The following INPPL1 variants were observed in gnomAD, a reference collection of about 807,000 sequenced individuals.
INPPL1 encodes the protein phosphatidylinositol 3,4,5-trisphosphate 5-phosphatase 2.
Under a neutral mutation model 139.3 loss-of-function variants are expected in INPPL1, and 91 were observed. The ratio of observed to expected loss-of-function variants is 0.65; its 90% CI spans 0.55 to 0.78. The LOEUF is 0.78. Among genes scored for constraint, INPPL1 ranks in the 30% least tolerant of loss-of-function variants. INPPL1 has a pLI of 0.00. For synonymous variants in INPPL1, 719 were observed against 686.6 expected (o/e 1.05, Z -0.74); for missense variants, 1,411 against 1,665.6 (o/e 0.85, Z 2.66).
Position 72,229,679 on chromosome 11 carries a change from G to T in INPPL1, c.770G>T (p.Gly257Val). 1 of 1,614,062 alleles carries T rather than the reference G, an allele frequency of 6.2e-7. No individual in the cohort carries two copies. Among genetic ancestry groups the T allele is most frequent in the Non-Finnish European group, 8.5e-7 (1 of 1,180,010 alleles). Reference protein sequence around the residue: ...LLQQQNLPQTGEQELESLVLK... With the variant: ...LLQQQNLPQTVEQELESLVLK... ...TCCCCCCAGAACCTGCCACAGACAGGGGAGCAGGAACTAGAGAGCCTGGTG... is the reference window on the plus strand; with the variant it reads ...TCCCCCCAGAACCTGCCACAGACAGTGGAGCAGGAACTAGAGAGCCTGGTG... The change falls in exon 7 of 28, where the codon GGG (glycine) becomes GTG (valine). Residue 257 changes from glycine (G) to valine (V), a missense_variant. Gly to Val is a moderately radical substitution (Grantham distance 109). Coordinates refer to ENST00000298229, the MANE Select transcript of INPPL1 (RefSeq NM_001567.4).
Position 72,237,532 on chromosome 11 carries a change from GCCT to G in INPPL1, c.3291_3293del (p.Pro1098del), listed in dbSNP as rs772286691. ...CACCACCTCCCAAGGCCCATCCAAGGCCTCCACTGCCCCCAGGCCCCTCACCAG... is the reference window on the plus strand; with the variant it reads ...CACCACCTCCCAAGGCCCATCCAAGGCCACTGCCCCCAGGCCCCTCACCAG... On this transcript the variant is annotated inframe_deletion, in exon 26 of 28. Coordinates refer to ENST00000298229, the MANE Select transcript of INPPL1 (RefSeq NM_001567.4). The G allele has an allele frequency of 3.7e-6, 6 of 1,605,628 alleles. No homozygotes were observed. Among genetic ancestry groups the G allele is most frequent in the Non-Finnish European group, 2.6e-6 (3 of 1,174,632 alleles).
At chr11:72,225,530 G>C in intron 1 of INPPL1, 1 of 985,390 alleles carries the variant, frequency 1.0e-6, no homozygotes, top group Non-Finnish European at 1.2e-6. Flanking sequence ...CGTTTGGATA[G>C]GGACTGAGTG....
Position 72,238,357 on chromosome 11 carries a change from C to T in INPPL1, c.*4C>T. The T allele has an allele frequency of 2.0e-6, 3 of 1,535,650 alleles. No individual in the cohort carries two copies. Among genetic ancestry groups the T allele is most frequent in the Non-Finnish European group, 2.6e-6 (3 of 1,142,920 alleles). ...CACCCTGCAGCTCAGCAAGTGATAGCGGAGGCACCACGAAGCTGTGAACTC... is the reference window on the plus strand; with the variant it reads ...CACCCTGCAGCTCAGCAAGTGATAGTGGAGGCACCACGAAGCTGTGAACTC... On this transcript the variant is annotated 3_prime_UTR_variant, in exon 28 of 28. Transcript: ENST00000298229.
chr11:72,230,768 C>T lies in INPPL1; in HGVS notation c.1198-28C>T, dbSNP rs12361913. 298,231 of 1,600,184 alleles carry T rather than the reference C, an allele frequency of 0.19. 33,297 individuals are homozygous for T. Among genetic ancestry groups the T allele is most frequent in the African/African-American group, 0.47 (34,768 of 74,634 alleles). Reference sequence around the variant, plus strand: ...ACGGGGGGCTTCCTGGATGCCTACCCGCCCCTGAGTGGCTGCTGTTCCCCC... The same window carrying T: ...ACGGGGGGCTTCCTGGATGCCTACCTGCCCCTGAGTGGCTGCTGTTCCCCC... On this transcript the variant is annotated intron_variant, in intron 10 of 27. Transcript: ENST00000298229.
intron 19 of INPPL1, 71 bp downstream of exon 19, chr11:72,233,815 C>A (rs1353872491): frequency 1.6e-6 from 2 of 1,251,596 alleles, no homozygotes; most frequent in East Asian, 2.3e-5. Context: ...TCGGGATGTA[C>A]ATAGGTTTGA....
rs759137119 is a variant in INPPL1 at position 72,229,162 on chromosome 11, G to A, written c.591G>A (p.Val197=). 24 of 1,613,728 alleles carry A rather than the reference G, an allele frequency of 1.5e-5. No homozygotes were observed. The highest frequency in any genetic ancestry group is 1.3e-4 in the Admixed American group (8 of 59,976). The part of the protein sequence containing the change: ...KGSYGLDLEA[V]RGGASHLPHL... ...GCTATGGGCTGGACCTGGAAGCTGT[G>A]AGGGGTGGAGCCAGCCACCTGCCCC... Residue 197 remains valine, a synonymous_variant, in exon 5 of 28, where the codon GTG becomes GTA. Transcript: ENST00000298229.
rs1025682605 is a variant in INPPL1 at position 72,229,143 on chromosome 11, G to A, written c.572G>A (p.Gly191Glu). 1 of 1,613,870 alleles carries A rather than the reference G, an allele frequency of 6.2e-7. No individual in the cohort carries two copies. Among genetic ancestry groups the A allele is most frequent in the East Asian group, 2.2e-5 (1 of 44,878 alleles). Residue 191 changes from glycine to glutamate, a missense_variant, in exon 5 of 28, where the codon GGG becomes GAG. Physicochemically the swap from Gly to Glu is moderately conservative, Grantham distance 98. Transcript: ENST00000298229. ...VSHDYLKGSY[G>E]LDLEAVRGGA... ...CACGACTACCTGAAAGGCAGCTATG[G>A]GCTGGACCTGGAAGCTGTGAGGGGT...
At position 72,224,958 on chromosome 11, in the gene INPPL1, C is replaced by A. The variant is rs1236938188; in HGVS notation, c.-27C>A. The A allele has an allele frequency of 9.2e-7, 1 of 1,087,196 alleles. No individual in the cohort carries two copies. The highest frequency in any genetic ancestry group is 1.1e-6 in the Non-Finnish European group (1 of 896,478). 67.3% of individuals were successfully genotyped at this position (1,087,196 alleles called of 1,614,324 possible). A position where few individuals can be genotyped will look rare whatever the true frequency, so the allele number is the denominator to read the frequency against. Reference sequence around the variant, plus strand: ...GGCGGATGGCGCGGGGCGGCGGGGGCGGGCGGTGCTGAGCCCTGCGCGGGC... The same window carrying A: ...GGCGGATGGCGCGGGGCGGCGGGGGAGGGCGGTGCTGAGCCCTGCGCGGGC... On this transcript the variant is annotated 5_prime_UTR_variant, in exon 1 of 28. Coordinates refer to ENST00000298229, the MANE Select transcript of INPPL1 (RefSeq NM_001567.4).
chr11:72,238,422 G>A lies in INPPL1; in HGVS notation c.*69G>A. 1 of 1,374,108 alleles carries A rather than the reference G, an allele frequency of 7.3e-7. No homozygotes were observed. The highest frequency in any genetic ancestry group is 9.8e-7 in the Non-Finnish European group (1 of 1,020,822). 85.1% of individuals were successfully genotyped at this position (1,374,108 alleles called of 1,614,324 possible). ...CTACCAAGGCCCAGCTATGGCCCCA[G>A]GGTTGAAAAGTTATGAGGGTCAGGG... On this transcript the variant is annotated 3_prime_UTR_variant, in exon 28 of 28. Transcript: ENST00000298229.
Position 72,235,981 on chromosome 11 carries a change from C to T in INPPL1, c.2874C>T (p.Thr958=), listed in dbSNP as rs540272512. ...PRAAPREEPL[T]PRLKPEGAPE... is the part of the protein sequence containing the mutation. ...CAGCTCCCCGGGAGGAGCCCTTGACCCCCAGGTGAGAGGAGGAACCTGTCA... is the reference window on the plus strand; with the variant it reads ...CAGCTCCCCGGGAGGAGCCCTTGACTCCCAGGTGAGAGGAGGAACCTGTCA... The change falls in exon 25 of 28, where the codon ACC becomes ACT. Residue 958 remains threonine, a synonymous_variant. Transcript: ENST00000298229. The surrounding 1 kb of genome is among the most constrained non-coding windows in gnomAD (Gnocchi z 4.9). The T allele has an allele frequency of 1.2e-5, 19 of 1,584,230 alleles. No individual in the cohort carries two copies. The African/African-American group carries it at 2.4e-4, about 20-fold the overall frequency.
Position 72,228,660 on chromosome 11 carries a change from G to A in INPPL1, c.398-67G>A. The A allele has an allele frequency of 6.4e-7, 1 of 1,571,304 alleles. No homozygotes were observed. The highest frequency in any genetic ancestry group is 8.6e-7 in the Non-Finnish European group (1 of 1,156,408). On this transcript the variant is annotated intron_variant, in intron 3 of 27. Transcript: ENST00000298229. This position sits in a 1 kb window ranked among gnomAD's most constrained non-coding sequence, Gnocchi z 5.0. ...TTTCCATGGAAGTCACTTTACAGCT[G>A]CATCGTGCCTCCTACTCCACTGAGT...
At chr11:72,229,302 C>A (rs1189587337) in intron 5 of INPPL1, 72 bp downstream of exon 5, 16 of 1,498,432 alleles carry the variant, frequency 1.1e-5, no homozygotes. Context: ...CCCGGCTGCA[C>A]AGGTGCCCTG....
rs2135413517 is a variant in INPPL1, at chr11:72,224,927, T to C, written c.-58T>C. 2.9e-6 allele frequency: 3 copies of C among 1,020,702 alleles called. No homozygotes were observed. The highest frequency in any genetic ancestry group is 9.0e-5 in the South Asian group (2 of 22,106). 63.2% of individuals were successfully genotyped at this position (1,020,702 alleles called of 1,614,324 possible). ...CCGGCCCCAGCCTCAGCCCTGAGCGTCTCGGGGCGGATGGCGCGGGGCGGC... is the reference window on the plus strand; with the variant it reads ...CCGGCCCCAGCCTCAGCCCTGAGCGCCTCGGGGCGGATGGCGCGGGGCGGC... On this transcript the variant is annotated 5_prime_UTR_variant, in exon 1 of 28. Coordinates refer to ENST00000298229, the MANE Select transcript of INPPL1 (RefSeq NM_001567.4).
intron 1 of INPPL1, chr11:72,227,737 C>T: frequency 4.6e-6 from 1 of 215,664 alleles, no homozygotes; most frequent in Non-Finnish European, 9.4e-6. Flanking sequence ...TACCCGACTC[C>T]AGCAGAGCCA....
Position 72,238,072 on chromosome 11 carries a change from G to T in INPPL1, c.3583G>T (p.Gly1195Trp). 6.4e-7 allele frequency: 1 copy of T among 1,570,986 alleles called. No individual in the cohort carries two copies. ...APCLQGGRAS[G>W]LGEAGMSAWL... ...GTGCCTGCAGGGCGGGCGGGCCAGC[G>T]GGCTGGGCGAGGCAGGCATGAGTGC... Residue 1195 changes from glycine (G) to tryptophan (W), a missense_variant, in exon 27 of 28, where the codon GGG (glycine) becomes TGG (tryptophan). Transcript: ENST00000298229.
chr11:72,233,418 C>T (rs1476116976), intron 17 of INPPL1, 23 bp from the exon 18 acceptor site: 1 of 1,608,318 alleles, frequency 6.2e-7, no homozygotes, highest in South Asian at 1.1e-5. Context: ...CAGCTCTAAC[C>T]ATGCTGCCAT....
Position 72,225,047 on chromosome 11 carries a change from G to A in INPPL1, c.63G>A (p.Trp21Ter), listed in dbSNP as rs1284701132. ...CCCTGGGCAGCCAGGCCCCCTCCTG[G>A]TACCACCGCGACCTGAGCCGGGCGG... ...GGALGSQAPS[W>*]YHRDLSRAAA... The change falls in exon 1 of 28, where the codon TGG (tryptophan) becomes TGA (stop). Residue 21 changes from tryptophan (W) to a stop codon, truncating the protein, a stop_gained. Transcript: ENST00000298229. LOFTEE classifies it high-confidence loss of function. 2 of 1,230,202 alleles carry A rather than the reference G, an allele frequency of 1.6e-6. No individual in the cohort carries two copies. The highest frequency in any genetic ancestry group is 8.5e-5 in the Admixed American group (2 of 23,500). 76.2% of individuals were successfully genotyped at this position (1,230,202 alleles called of 1,614,324 possible). A position where few individuals can be genotyped will look rare whatever the true frequency, so the allele number is the denominator to read the frequency against.
At position 72,235,125 on chromosome 11, in the gene INPPL1, A is replaced by G. The variant is rs970845599; in HGVS notation, c.2425A>G (p.Ile809Val). The change falls in exon 22 of 28, where the codon ATT becomes GTT. Residue 809 changes from isoleucine to valine, a missense_variant. Ile to Val is a conservative substitution (Grantham distance 29). Transcript: ENST00000298229. The surrounding 1 kb of genome is among the most constrained non-coding windows in gnomAD (Gnocchi z 4.9). Reference sequence around the variant, plus strand: ...CCTCCCTGCTTCCCAGCTCAAACCAATTCTGGCTGATATCGAGTACCTGCA... The same window carrying G: ...CCTCCCTGCTTCCCAGCTCAAACCAGTTCTGGCTGATATCGAGTACCTGCA... ...SSRQLPTLKP[I>V]LADIEYLQDQ... 6.2e-7 allele frequency: 1 copy of G among 1,613,882 alleles called. No homozygotes were observed. The highest frequency in any genetic ancestry group is 1.6e-4 in the Middle Eastern group (1 of 6,062).
At position 72,238,320 on chromosome 11, in the gene INPPL1, C is replaced by T; in HGVS notation, c.3744C>T (p.Arg1248=). 6.3e-7 allele frequency: 1 copy of T among 1,590,454 alleles called. No homozygotes were observed. The highest frequency in any genetic ancestry group is 2.2e-5 in the East Asian group (1 of 44,470). The part of the protein sequence containing the change: ...EAGVQDPAHK[R]LLLDTLQLSK ...GGGTGCAGGACCCGGCTCACAAGCG[C>T]CTCCTTCTGGACACCCTGCAGCTCA... The change falls in exon 28 of 28, where the codon CGC becomes CGT. Residue 1248 remains arginine (R), a synonymous_variant. Coordinates refer to ENST00000298229, the MANE Select transcript of INPPL1 (RefSeq NM_001567.4).
Sources: allele counts gnomAD v4.1 joint callset, GRCh38; gene constraint gnomAD v4.1.1; non-coding constraint Gnocchi (gnomAD v3.1); transcripts MANE v1.5; gene names NCBI Gene and HGNC (gene_info 2026-07-23, HGNC 2026-07-21).